The following CLEC5A variants were observed in gnomAD, a reference collection of about 807,000 sequenced individuals.
CLEC5A encodes the protein C-type lectin domain family 5 member A.
In CLEC5A, 15 loss-of-function variants were observed where a neutral mutation model predicts 24.4. That is an observed-to-expected ratio of 0.62 (90% CI 0.41 to 0.95). CLEC5A has a LOEUF of 0.95. CLEC5A is among the 40% of genes least tolerant of loss of function. CLEC5A has a pLI of 0.00. For missense variants in CLEC5A, 211 were observed against 224.0 expected, an observed-to-expected ratio of 0.94 and a Z score of 0.37; for synonymous variants, 71 against 72.6, an observed-to-expected ratio of 0.98 and a Z score of 0.11.
chr7:141,930,481 G>A (rs528133317), intron 6 of CLEC5A, among the ~76,000 whole-genome samples: 1 of 152,268 alleles, frequency 6.6e-6, no homozygotes, highest in African/African-American at 2.4e-5. Flanking sequence ...AGCGTGTATG[G>A]ATTCACAGTC....
intron 6 of CLEC5A, among the ~76,000 whole-genome samples, chr7:141,930,422 CT>C (rs3842621): frequency 0.039 from 5,864 of 152,284 alleles, 188 homozygotes; most frequent in South Asian, 0.18. Flanking sequence ...CCTAATCCAG[CT>C]CCGCAAATGC....
Position 141,935,816 on chromosome 7 carries a change from G to GT in CLEC5A, c.342dup (p.Leu115ThrfsTer9). ...CTGTACCATTCCAGTGTTCTCACCAGTTTCTCTGGCGTGTTGACAATTGCC... is the reference window on the plus strand; with the variant it reads ...CTGTACCATTCCAGTGTTCTCACCAGTTTTCTCTGGCGTGTTGACAATTGCC... On this transcript the variant is annotated frameshift_variant, in exon 5 of 7. Coordinates refer to ENST00000546910, the MANE Select transcript of CLEC5A (RefSeq NM_013252.3). LOFTEE classifies it high-confidence loss of function. The GT allele has an allele frequency of 6.2e-7, 1 of 1,614,002 alleles. No homozygotes were observed. Among genetic ancestry groups the GT allele is most frequent in the African/African-American group, 1.3e-5 (1 of 75,036 alleles).
intron 4 of CLEC5A, among the ~76,000 whole-genome samples, chr7:141,938,801 G>A (rs192729170): frequency 7.4e-4 from 113 of 152,194 alleles, no homozygotes; most frequent in African/African-American, 2.4e-3. Flanking sequence ...GACCCACAGC[G>A]TTACTGGGCT....
rs1802386570 is a variant in CLEC5A, at chr7:141,929,453, C to T, written c.*651G>A. ...GTCTCTTCAGGGCTTTGCTGAAGAA[C>T]AGAAATCTAGTGTGTTTGGCTCCCT... is the stretch of plus-strand genomic sequence containing the variant. On this transcript the variant is annotated 3_prime_UTR_variant, in exon 7 of 7. Coordinates refer to ENST00000546910, the MANE Select transcript of CLEC5A (RefSeq NM_013252.3). The T allele has an allele frequency of 6.6e-6, 1 of 152,152 alleles. No homozygotes were observed. The highest frequency in any genetic ancestry group is 1.5e-5 in the Non-Finnish European group (1 of 68,072). The allele number at this position is 152,152 out of a possible 1,614,324, so 9.4% of individuals were successfully genotyped here.
At chr7:141,936,339 C>T (rs534261511) in intron 4 of CLEC5A, 1 of 270,426 alleles carries the variant, frequency 3.7e-6, no homozygotes, top group South Asian at 3.9e-5. Context: ...ACACCACCCC[C>T]ACCCTATCCC....
chr7:141,935,593 G>A (rs538872942), intron 5 of CLEC5A, among the ~76,000 whole-genome samples: 8 of 152,152 alleles, frequency 5.3e-5, no homozygotes, highest in Non-Finnish European at 8.8e-5. Flanking sequence ...CACAAGGTGC[G>A]AATTTCTGTG....
chr7:141,941,210 A>T (rs1802788213), intron 4 of CLEC5A, among the ~76,000 whole-genome samples: 1 of 152,142 alleles, frequency 6.6e-6, no homozygotes. Flanking sequence ...TCAACAACAT[A>T]TTAAAAAGAT....
chr7:141,944,417 G>T (rs1802891679), intron 3 of CLEC5A, among the ~76,000 whole-genome samples: 1 of 152,038 alleles, frequency 6.6e-6, no homozygotes, highest in South Asian at 2.1e-4. Context: ...TCATAATCCT[G>T]GGCAACTCTG....
intron 4 of CLEC5A, among the ~76,000 whole-genome samples, chr7:141,936,682 A>G (rs530374137): frequency 1.3e-5 from 2 of 152,278 alleles, no homozygotes; most frequent in African/African-American, 4.8e-5. Flanking sequence ...GCTTTGAGCC[A>G]GTGGAATTAG....
At chr7:141,935,974 GT>G in intron 4 of CLEC5A, 24 bp from the exon 5 acceptor site, 2 of 1,605,970 alleles carry the variant, frequency 1.2e-6, no homozygotes, top group South Asian at 2.2e-5. Flanking sequence ...AGAAAGGAGA[GT>G]ACGAGTTTAC....
At chr7:141,946,013 C>T in intron 2 of CLEC5A, 1 of 586,698 alleles carries the variant, frequency 1.7e-6, no homozygotes, top group Non-Finnish European at 3.0e-6. Context: ...TTCTATATCT[C>T]CAAGGTAGAC....
intron 4 of CLEC5A, among the ~76,000 whole-genome samples, chr7:141,937,907 T>A (rs898242526): frequency 3.3e-5 from 5 of 152,184 alleles, no homozygotes; most frequent in Non-Finnish European, 5.9e-5. Context: ...ATCTTTCAGA[T>A]CTTATCCAAG....
At chr7:141,937,580 T>A (rs1169470352) in intron 4 of CLEC5A, among the ~76,000 whole-genome samples, 2 of 152,210 alleles carry the variant, frequency 1.3e-5, no homozygotes, top group Non-Finnish European at 2.9e-5. Context: ...TCTCCAGACC[T>A]ATTTAGGGCC....
chr7:141,943,827 A>C lies in CLEC5A; in HGVS notation c.208+69T>G, dbSNP rs1392263895. On this transcript the variant is annotated intron_variant, in intron 4 of 6. Coordinates refer to ENST00000546910, the MANE Select transcript of CLEC5A (RefSeq NM_013252.3). ...ATTCCATAAGAATAAAGACAATGGG[A>C]GAAATCTCTAAGAATTCAGTGCATG... The C allele has an allele frequency of 3.7e-6, 4 of 1,075,890 alleles. 1 individual carries two copies. The Admixed American group carries it at 6.9e-5, about 18-fold the overall frequency. The allele number at this position is 1,075,890 out of a possible 1,614,324, so 66.6% of individuals were successfully genotyped here.
chr7:141,938,237 A>G (rs1300225622), intron 4 of CLEC5A, among the ~76,000 whole-genome samples: 1 of 152,208 alleles, frequency 6.6e-6, no homozygotes, highest in Non-Finnish European at 1.5e-5. Flanking sequence ...CAGAGAATCC[A>G]AAATACCTGT....
At chr7:141,941,095 C>T (rs1554441605) in intron 4 of CLEC5A, among the ~76,000 whole-genome samples, 1 of 152,020 alleles carries the variant, frequency 6.6e-6, no homozygotes, top group Non-Finnish European at 1.5e-5. Context: ...CTACATTACC[C>T]TGATACCAAA....
chr7:141,936,215 A>T (rs1052969802), intron 4 of CLEC5A: 17 of 460,906 alleles, frequency 3.7e-5, no homozygotes, highest in African/African-American at 6.0e-5. Context: ...ACAACTATCT[A>T]CACACAAAAA....
chr7:141,935,687 T>A (rs1802596879), intron 5 of CLEC5A, 127 bp downstream of exon 5: 3 of 815,308 alleles, frequency 3.7e-6, no homozygotes, highest in Admixed American at 4.9e-5. Flanking sequence ...ATAGCTTCAG[T>A]TTTTCAGCCA....
At chr7:141,933,646 A>T (rs1003397843) in intron 5 of CLEC5A, among the ~76,000 whole-genome samples, 1 of 146,996 alleles carries the variant, frequency 6.8e-6, no homozygotes, top group Non-Finnish European at 1.5e-5. Flanking sequence ...GTGTAAGCTC[A>T]TGCTTAGCTC....
Sources: gnomAD v4.1 joint callset for allele counts (sites outside exome capture counted in the v4.1 genomes callset) on GRCh38, gnomAD v4.1.1 for gene constraint, MANE v1.5 for transcripts, NCBI Gene and HGNC (gene_info 2026-07-23, HGNC 2026-07-21) for gene names.